GRIK2: variants seen among roughly 807,000 people sequenced by gnomAD.
GRIK2 encodes the protein glutamate ionotropic receptor kainate type subunit 2, also known as glutamate receptor ionotropic, kainate 2.
GRIK2 carries 32 observed loss-of-function variants against 100.3 expected under a neutral mutation model. The observed-to-expected ratio is 0.32, with a 90% CI of 0.24 to 0.43. The LOEUF (loss-of-function observed/expected upper bound fraction) is 0.43. GRIK2 is among the 20% of genes least tolerant of loss of function. GRIK2 has a pLI of 1.00. For synonymous variants in GRIK2, 417 were observed against 389.4 expected, an observed-to-expected ratio of 1.07 and a Z score of -0.83; for missense variants, 843 against 1,114.9, an observed-to-expected ratio of 0.76 and a Z score of 3.47.
At chr6:101,537,424 GTGTT>G (rs1775754794) in intron 2 of GRIK2, among the ~76,000 whole-genome samples, 1 of 114,778 alleles carries the variant, frequency 8.7e-6, no homozygotes, top group Admixed American at 9.9e-5. Context: ...GAATGTGTGT[GTGTT>G]TGTGTGTGTG....
intron 10 of GRIK2, among the ~76,000 whole-genome samples, chr6:101,823,792 A>G: frequency 6.8e-6 from 1 of 147,622 alleles, no homozygotes; most frequent in South Asian, 2.1e-4. Flanking sequence ...GTATTATTTT[A>G]TTTATTTGTT....
At chr6:101,932,526 T>C (rs1790354825) in intron 14 of GRIK2, among the ~76,000 whole-genome samples, 1 of 151,906 alleles carries the variant, frequency 6.6e-6, no homozygotes, top group African/African-American at 2.4e-5. Flanking sequence ...CTGACCCTTT[T>C]CATACCAAAA....
At chr6:101,479,075 A>C (rs1772397411) in intron 2 of GRIK2, among the ~76,000 whole-genome samples, 1 of 152,218 alleles carries the variant, frequency 6.6e-6, no homozygotes, top group Non-Finnish European at 1.5e-5. Flanking sequence ...GAAAGTTGAC[A>C]GCTTGTTCTC....
chr6:101,614,017 G>A (rs1489516443), intron 2 of GRIK2, among the ~76,000 whole-genome samples: 1 of 151,586 alleles, frequency 6.6e-6, no homozygotes, highest in African/African-American at 2.4e-5. Flanking sequence ...AGAGGTGAGG[G>A]ACTGCTTCAG....
At chr6:102,025,862 T>C (rs760926107) in intron 14 of GRIK2, among the ~76,000 whole-genome samples, 9 of 150,900 alleles carry the variant, frequency 6.0e-5, no homozygotes, top group Non-Finnish European at 1.2e-4. Context: ...ATGAATAATC[T>C]AGTGAATTAT....
At chr6:101,802,486 C>G in intron 9 of GRIK2, 48 bp downstream of exon 9, 2 of 720,992 alleles carry the variant, frequency 2.8e-6, no homozygotes, top group Non-Finnish European at 4.6e-6. Flanking sequence ...AAACATATCT[C>G]AAAGAAGACA....
At chr6:101,789,079 T>G (rs967221061) in intron 7 of GRIK2, among the ~76,000 whole-genome samples, 9 of 152,182 alleles carry the variant, frequency 5.9e-5, no homozygotes, top group African/African-American at 2.4e-5. Flanking sequence ...TCAATTTGTT[T>G]GAGTTCATTG....
chr6:101,987,940 C>T (rs1193534048), intron 14 of GRIK2, among the ~76,000 whole-genome samples: 1 of 151,594 alleles, frequency 6.6e-6, no homozygotes, highest in African/African-American at 2.4e-5. Flanking sequence ...AAGTCCATAA[C>T]GTGTTACCTT....
At chr6:101,779,103 A>C (rs1778922004) in intron 7 of GRIK2, among the ~76,000 whole-genome samples, 1 of 152,176 alleles carries the variant, frequency 6.6e-6, no homozygotes, top group South Asian at 2.1e-4. Context: ...TCAATTATTT[A>C]AAAATATGTA....
intron 14 of GRIK2, among the ~76,000 whole-genome samples, chr6:102,034,989 TACTC>T (rs1320522452): frequency 1.3e-5 from 2 of 151,296 alleles, no homozygotes; most frequent in Non-Finnish European, 3.0e-5. Context: ...AAATATGAAA[TACTC>T]AGGTAAGAGA....
intron 7 of GRIK2, among the ~76,000 whole-genome samples, chr6:101,692,025 G>A (rs1411908884): frequency 1.5e-4 from 14 of 94,094 alleles, no homozygotes; most frequent in Admixed American, 5.1e-4. Flanking sequence ...AAACTCCAAC[G>A]TAACACCCCG....
At chr6:101,762,115 T>TCCTCCCTTCCTTTCCTTCCTC (rs1562366309) in intron 7 of GRIK2, among the ~76,000 whole-genome samples, 1 of 130,246 alleles carries the variant, frequency 7.7e-6, no homozygotes, top group Non-Finnish European at 1.6e-5. Flanking sequence ...TTTCCTTCCT[T>TCCTCCCTTCCTTTCCTTCCTC]CCTCCCTTCC....
At chr6:101,788,332 T>C (rs1779578303) in intron 7 of GRIK2, among the ~76,000 whole-genome samples, 2 of 152,002 alleles carry the variant, frequency 1.3e-5, no homozygotes, top group Non-Finnish European at 2.9e-5. Flanking sequence ...TAGCATTAGG[T>C]ATATCTCCTA....
At chr6:101,557,379 T>C (rs866714070) in intron 2 of GRIK2, among the ~76,000 whole-genome samples, 3 of 152,182 alleles carry the variant, frequency 2.0e-5, no homozygotes, top group Admixed American at 6.5e-5. Flanking sequence ...AAAAAATATC[T>C]CTGGGTTATT....
chr6:101,800,141 T>C (rs1364878026), intron 8 of GRIK2, among the ~76,000 whole-genome samples: 1 of 152,096 alleles, frequency 6.6e-6, no homozygotes, highest in African/African-American at 2.4e-5. Context: ...AGCAAAATTA[T>C]ACCTAATTTG....
At chr6:101,787,367 C>G (rs560139357) in intron 7 of GRIK2, among the ~76,000 whole-genome samples, 8 of 151,214 alleles carry the variant, frequency 5.3e-5, no homozygotes, top group African/African-American at 1.9e-4. Context: ...TTTGTTCTTA[C>G]TTTTCTAGTT....
At chr6:101,833,260 C>A (rs1418719009) in intron 10 of GRIK2, among the ~76,000 whole-genome samples, 2 of 152,116 alleles carry the variant, frequency 1.3e-5, no homozygotes, top group African/African-American at 2.4e-5. Context: ...GAGACGGAGT[C>A]TTGCTCTGTC....
chr6:102,051,110 G>A (rs1326128056), intron 15 of GRIK2, among the ~76,000 whole-genome samples: 2 of 152,032 alleles, frequency 1.3e-5, no homozygotes, highest in Non-Finnish European at 2.9e-5. Context: ...CCATCCATAC[G>A]CTGTCATTGT....
At chr6:101,814,117 A>T (rs904031375) in intron 9 of GRIK2, among the ~76,000 whole-genome samples, 4 of 152,190 alleles carry the variant, frequency 2.6e-5, no homozygotes, top group African/African-American at 9.7e-5. Flanking sequence ...ACAGAAGCTG[A>T]TAATACACAT....
Sources: gnomAD v4.1 joint callset for allele counts (sites outside exome capture counted in the v4.1 genomes callset) on GRCh38, gnomAD v4.1.1 for gene constraint, MANE v1.5 for transcripts, NCBI Gene and HGNC (gene_info 2026-07-23, HGNC 2026-07-21) for gene names.